GADL1: variants seen among roughly 807,000 people sequenced by gnomAD.
The protein encoded by GADL1 is acidic amino acid decarboxylase GADL1.
A neutral mutation model predicts 69.5 loss-of-function variants in GADL1; 71 were observed. The observed-to-expected ratio is 1.02, with a 90% confidence interval of 0.84 to 1.25. GADL1 has a LOEUF of 1.25. Ranked by LOEUF, GADL1 falls within the 50% of genes most tolerant of loss-of-function variation. The pLI is 0.00. For missense variants in GADL1, 737 were observed against 631.8 expected (o/e 1.17, Z -1.79); for synonymous variants, 254 against 214.4 (o/e 1.18, Z -1.62).
intron 1 of GADL1, among the ~76,000 whole-genome samples, chr3:30,880,876 G>T (rs995669745): frequency 6.6e-6 from 1 of 151,814 alleles, no homozygotes; most frequent in Non-Finnish European, 1.5e-5. Context: ...TAGACCTCAA[G>T]AAAGCTCCTA....
At chr3:30,832,562 C>T (rs186401635) in intron 11 of GADL1, among the ~76,000 whole-genome samples, 2 of 152,000 alleles carry the variant, frequency 1.3e-5, no homozygotes, top group East Asian at 3.9e-4. Flanking sequence ...TCAGATTGGC[C>T]GATTTAGGTA....
rs60344210 is a variant in GADL1 at position 30,733,586 on chromosome 3, CTCCTTCCTTCCTTCCT to C, written c.1393-5187_1393-5172del. Reference sequence around the variant, plus strand: ...ATCTCTTTTCTTTTCTTTTCCTTTTCTCCTTCCTTCCTTCCTTCCTTCCTTCCTTCCTTCCTTCCTT... The same window carrying C: ...ATCTCTTTTCTTTTCTTTTCCTTTTCTCCTTCCTTCCTTCCTTCCTTCCTT... On this transcript the variant is annotated intron_variant, in intron 14 of 14. Transcript: ENST00000282538. Among the ~76,000 whole-genome samples the C allele has an allele frequency of 5.2e-3, 695 of 133,592 alleles. 7 individuals carry two copies. Among genetic ancestry groups the C allele is most frequent in the African/African-American group, 0.017 (597 of 35,784 alleles). 87.6% of individuals were successfully genotyped at this position (133,592 alleles called of 152,430 possible).
chr3:30,733,523 A>G (rs1219624188), intron 14 of GADL1, among the ~76,000 whole-genome samples: 3 of 152,032 alleles, frequency 2.0e-5, no homozygotes, highest in Non-Finnish European at 2.9e-5. Flanking sequence ...ACCCAAAACT[A>G]TCACTGAGAC....
chr3:30,746,933 G>A (rs1160448687), intron 14 of GADL1, among the ~76,000 whole-genome samples: 1 of 152,178 alleles, frequency 6.6e-6, no homozygotes, highest in Admixed American at 6.5e-5. Context: ...TTAAAGGGCA[G>A]AAGGATACTG....
In GADL1 at chr3:30,854,808, G is replaced by A. The variant is rs1490670354; in HGVS notation, c.338-19C>T. 3.0e-6 allele frequency: 4 copies of A among 1,324,972 alleles called. No homozygotes were observed. The highest frequency in any genetic ancestry group is 2.5e-5 in the East Asian group (1 of 39,646). 82.1% of individuals were successfully genotyped at this position (1,324,972 alleles called of 1,614,324 possible). A position where few individuals can be genotyped will look rare whatever the true frequency, so the allele number is the denominator to read the frequency against. Reference sequence around the variant, plus strand: ...GGGTGGTCTGTAAATTTAAAATGGAGTATTCATCTATGCAGCAATAAAAAA... The same window carrying A: ...GGGTGGTCTGTAAATTTAAAATGGAATATTCATCTATGCAGCAATAAAAAA... On this transcript the variant is annotated intron_variant, in intron 3 of 14. Coordinates refer to ENST00000282538, the MANE Select transcript of GADL1 (RefSeq NM_207359.3).
chr3:30,765,422 C>A (rs1696245776), intron 14 of GADL1, among the ~76,000 whole-genome samples: 1 of 152,042 alleles, frequency 6.6e-6, no homozygotes, highest in Admixed American at 6.6e-5. Context: ...ATATAAGTTG[C>A]CCAAATGAAG....
At chr3:30,769,238 C>G (rs1696359532) in intron 14 of GADL1, among the ~76,000 whole-genome samples, 1 of 152,192 alleles carries the variant, frequency 6.6e-6, no homozygotes, top group African/African-American at 2.4e-5. Context: ...TTATTCAGTG[C>G]TCGTATTTAG....
At chr3:30,889,654 A>T (rs1230111018) in intron 1 of GADL1, among the ~76,000 whole-genome samples, 2 of 152,162 alleles carry the variant, frequency 1.3e-5, no homozygotes, top group Non-Finnish European at 2.9e-5. Context: ...GTTTCTTTTT[A>T]AATCACGCAT....
intron 14 of GADL1, among the ~76,000 whole-genome samples, chr3:30,753,885 C>CA (rs1468461335): frequency 6.6e-6 from 1 of 152,126 alleles, no homozygotes; most frequent in Non-Finnish European, 1.5e-5. Context: ...GTGGACCCTG[C>CA]AAATGAGGTA....
intron 14 of GADL1, among the ~76,000 whole-genome samples, chr3:30,762,848 TC>T (rs59539856): frequency 0.019 from 945 of 48,662 alleles, 9 homozygotes; most frequent in African/African-American, 0.07. Context: ...TGTTAGTCTT[TC>T]TTTTCCTTGC....
At chr3:30,746,491 C>G (rs906933386) in intron 14 of GADL1, among the ~76,000 whole-genome samples, 4 of 152,096 alleles carry the variant, frequency 2.6e-5, no homozygotes, top group African/African-American at 7.2e-5. Context: ...ATAGTCATCA[C>G]CATCAATATT....
chr3:30,788,197 G>C (rs531115668), intron 12 of GADL1, among the ~76,000 whole-genome samples: 1 of 152,126 alleles, frequency 6.6e-6, no homozygotes, highest in Non-Finnish European at 1.5e-5. Flanking sequence ...TATCAGAAAA[G>C]TTATTCAAAA....
chr3:30,798,031 GACA>G (rs1276461725), intron 12 of GADL1: 3 of 152,126 alleles, frequency 2.0e-5, no homozygotes, highest in Non-Finnish European at 2.9e-5. Flanking sequence ...TTGAAAGTGT[GACA>G]ACAATTTTAT....
chr3:30,869,605 G>A (rs1035744008), intron 1 of GADL1, among the ~76,000 whole-genome samples: 1 of 151,676 alleles, frequency 6.6e-6, no homozygotes, highest in Non-Finnish European at 1.5e-5. Flanking sequence ...AACTTTGTCA[G>A]CAAGAGATAT....
At position 30,751,641 on chromosome 3, in the gene GADL1, G is replaced by A. The variant is rs868617383; in HGVS notation, c.1393-23226C>T. Reference sequence around the variant, plus strand: ...ATGTGAAAACTGAAAGACTGAAACAGTTTGAGGAATTATCTCCCTATAAGC... The same window carrying A: ...ATGTGAAAACTGAAAGACTGAAACAATTTGAGGAATTATCTCCCTATAAGC... On this transcript the variant is annotated intron_variant, in intron 14 of 14. Coordinates refer to ENST00000282538, the MANE Select transcript of GADL1 (RefSeq NM_207359.3). 1.6e-4 allele frequency among the ~76,000 whole-genome samples: 24 copies of A among 152,212 alleles called. No homozygotes were observed. The Middle Eastern group carries it at 0.017, about 108-fold the overall frequency.
At chr3:30,888,483 GA>G (rs1698737934) in intron 1 of GADL1, among the ~76,000 whole-genome samples, 1 of 152,142 alleles carries the variant, frequency 6.6e-6, no homozygotes, top group Admixed American at 6.5e-5. Flanking sequence ...GGAGAGAGAA[GA>G]GGGGTGTTCC....
At chr3:30,771,863 C>T (rs183421121) in intron 14 of GADL1, among the ~76,000 whole-genome samples, 15 of 151,612 alleles carry the variant, frequency 9.9e-5, no homozygotes, top group East Asian at 1.9e-4. Context: ...GATCAGGAGA[C>T]GTTATACACA....
intron 11 of GADL1, among the ~76,000 whole-genome samples, chr3:30,832,023 C>G (rs1393552329): frequency 6.6e-6 from 1 of 151,788 alleles, no homozygotes; most frequent in East Asian, 1.9e-4. Context: ...CAGTGTCAAG[C>G]CTACACAGAT....
intron 6 of GADL1, among the ~76,000 whole-genome samples, chr3:30,845,697 A>G (rs1167821155): frequency 6.6e-6 from 1 of 152,196 alleles, no homozygotes; most frequent in Non-Finnish European, 1.5e-5. Flanking sequence ...CATATTGAAG[A>G]GTAATAATGT....
Sources: allele counts gnomAD v4.1 joint callset (sites outside exome capture counted in the v4.1 genomes callset), GRCh38; gene constraint gnomAD v4.1.1; transcripts MANE v1.5; gene names NCBI Gene and HGNC (gene_info 2026-07-23, HGNC 2026-07-21).